Variants in TPP2 observed in about 807,000 individuals in gnomAD.
TPP2 encodes tripeptidyl-peptidase 2.
A neutral mutation model predicts 155.9 loss-of-function variants in TPP2; 34 were observed. The observed-to-expected ratio is 0.22, with a 90% CI of 0.17 to 0.29. The LOEUF (loss-of-function observed/expected upper bound fraction) is 0.29. Ranked by LOEUF, TPP2 falls within the 10% of genes least tolerant of loss-of-function variation. The pLI, the probability that TPP2 is intolerant of heterozygous loss-of-function variation, is 1.00. For synonymous variants in TPP2, 510 were observed against 529.4 expected (o/e 0.96, Z 0.50); for missense variants, 1,028 against 1,522.3 (o/e 0.68, Z 5.40).
chr13:102,618,585 A>T, intron 4 of TPP2, 137 bp from the exon 5 acceptor site: 1 of 1,117,072 alleles, frequency 9.0e-7, no homozygotes. Context: ...AGTTGCATAG[A>T]TAGAACAAAA....
rs373143538 is a variant in TPP2, at chr13:102,597,173, G to T, written c.135G>T (p.Thr45=). The T allele has an allele frequency of 3.9e-6, 6 of 1,556,176 alleles. No individual in the cohort carries two copies. Among genetic ancestry groups the T allele is most frequent in the African/African-American group, 1.4e-5 (1 of 70,702 alleles). The change falls in exon 1 of 30, where the codon ACG becomes ACT. Residue 45 remains threonine, a synonymous_variant. Coordinates refer to ENST00000376052, the MANE Select transcript of TPP2 (RefSeq NM_001330588.2). ...GRGVLIAVLD[T]GVDPGAPGMQ... ...GGGTGCTCATCGCAGTCCTGGACAC[G>T]GGGGTCGACCCGGGGGCTCCGGGCA... is the stretch of plus-strand genomic sequence containing the variant.
intron 1 of TPP2, among the ~76,000 whole-genome samples, chr13:102,602,230 A>T (rs2182673): frequency 0.65 from 98,323 of 152,068 alleles, 33,135 homozygotes; most frequent in African/African-American, 0.85. Context: ...GTATCAACTT[A>T]ATTTTGTTTC....
chr13:102,629,381 C>G, intron 8 of TPP2, 101 bp from the exon 9 acceptor site: 6 of 1,339,292 alleles, frequency 4.5e-6, no homozygotes, highest in Non-Finnish European at 5.8e-6. Context: ...GGTGGATGTA[C>G]CAAAATTTAT....
intron 8 of TPP2, among the ~76,000 whole-genome samples, chr13:102,629,251 A>G (rs1026469241): frequency 2.0e-5 from 3 of 152,146 alleles, no homozygotes; most frequent in African/African-American, 7.2e-5. Context: ...ATATTTTCCC[A>G]TATATATTGT....
intron 24 of TPP2, among the ~76,000 whole-genome samples, chr13:102,656,435 C>T (rs556076786): frequency 1.4e-4 from 21 of 152,128 alleles, no homozygotes; most frequent in Admixed American, 1.2e-3. Flanking sequence ...GGGTCGTTTG[C>T]GTAAGATATT....
At chr13:102,600,909 G>T (rs1002812946) in intron 1 of TPP2, among the ~76,000 whole-genome samples, 7 of 150,836 alleles carry the variant, frequency 4.6e-5, no homozygotes, top group African/African-American at 1.7e-4. Context: ...CAAAGACAGG[G>T]TCTCACTCTG....
intron 27 of TPP2, among the ~76,000 whole-genome samples, chr13:102,668,886 T>G (rs996600952): frequency 2.6e-5 from 4 of 152,192 alleles, no homozygotes; most frequent in African/African-American, 9.6e-5. Context: ...TGTCTGGGGT[T>G]TGTGTCGTCT....
At chr13:102,673,195 G>A (rs138128846) in intron 27 of TPP2, among the ~76,000 whole-genome samples, 2 of 152,274 alleles carry the variant, frequency 1.3e-5, no homozygotes, top group Non-Finnish European at 2.9e-5. Flanking sequence ...TCCTTGGTGC[G>A]CAGGATTAAT....
At chr13:102,670,084 G>A (rs1884870698) in intron 27 of TPP2, among the ~76,000 whole-genome samples, 1 of 152,054 alleles carries the variant, frequency 6.6e-6, no homozygotes, top group African/African-American at 2.4e-5. Context: ...AACAAGTGAG[G>A]GAATTGTGCA....
chr13:102,626,864 C>G, intron 6 of TPP2, 148 bp from the exon 7 acceptor site: 1 of 623,946 alleles, frequency 1.6e-6, no homozygotes, highest in Admixed American at 3.5e-5. Context: ...CAAATACTTT[C>G]CTTTGTGACT....
At position 102,678,175 on chromosome 13, in the gene TPP2, T is replaced by C. The variant is rs958155364; in HGVS notation, c.3700-52T>C. ...ACAGAATTTATTCTAAATACTGAGC[T>C]TAAAAATCTGTCACTTCCTTTATAA... is the stretch of plus-strand genomic sequence containing the variant. On this transcript the variant is annotated intron_variant, in intron 29 of 29. Coordinates refer to ENST00000376052, the MANE Select transcript of TPP2 (RefSeq NM_001330588.2). 2.0e-6 allele frequency: 3 copies of C among 1,529,330 alleles called. No homozygotes were observed. The African/African-American group carries it at 4.2e-5, about 22-fold the overall frequency. 94.7% of individuals were successfully genotyped at this position (1,529,330 alleles called of 1,614,324 possible).
intron 1 of TPP2, among the ~76,000 whole-genome samples, chr13:102,602,398 T>C (rs1001807798): frequency 6.6e-6 from 1 of 152,176 alleles, no homozygotes; most frequent in Non-Finnish European, 1.5e-5. Context: ...ATTATGACTT[T>C]GAGTTTTCTG....
intron 16 of TPP2, among the ~76,000 whole-genome samples, chr13:102,642,052 C>G (rs1215431121): frequency 2.0e-5 from 3 of 152,196 alleles, no homozygotes; most frequent in Non-Finnish European, 4.4e-5. Context: ...TTTGGATCCA[C>G]ACTCTGCCAT....
chr13:102,671,589 C>T (rs148829293), intron 27 of TPP2, among the ~76,000 whole-genome samples: 76 of 152,254 alleles, frequency 5.0e-4, no homozygotes, highest in African/African-American at 1.4e-3. Flanking sequence ...TCTTTATAAG[C>T]GTTAAAAGTA....
At chr13:102,604,192 C>T in intron 1 of TPP2, among the ~76,000 whole-genome samples, 1 of 150,296 alleles carries the variant, frequency 6.7e-6, no homozygotes. Context: ...TAAATGGTAC[C>T]ATTACTACTA....
chr13:102,678,183 C>T (rs751177298), intron 29 of TPP2, 44 bp from the exon 30 acceptor site: 45 of 1,544,306 alleles, frequency 2.9e-5, no homozygotes, highest in Non-Finnish European at 4.0e-5. Flanking sequence ...GCTTAAAAAT[C>T]TGTCACTTCC....
intron 2 of TPP2, among the ~76,000 whole-genome samples, chr13:102,610,507 A>C (rs1386768429): frequency 6.6e-6 from 1 of 152,104 alleles, no homozygotes; most frequent in East Asian, 1.9e-4. Context: ...TGGGATTACA[A>C]ATGTCAGCCA....
intron 27 of TPP2, among the ~76,000 whole-genome samples, chr13:102,671,910 T>G (rs1885006225): frequency 6.6e-6 from 1 of 152,202 alleles, no homozygotes; most frequent in Admixed American, 6.5e-5. Context: ...GTTTCATTAC[T>G]TTTATATACT....
At chr13:102,630,066 C>G (rs758827317) in intron 9 of TPP2, 30 bp from the exon 10 acceptor site, 7 of 1,595,492 alleles carry the variant, frequency 4.4e-6, no homozygotes, top group Non-Finnish European at 6.0e-6. Context: ...CGTTTGTTTT[C>G]TTTTCTTAAT....
Sources: gnomAD v4.1 joint callset for allele counts (sites outside exome capture counted in the v4.1 genomes callset) on GRCh38, gnomAD v4.1.1 for gene constraint, MANE v1.5 for transcripts, NCBI Gene and HGNC (gene_info 2026-07-23, HGNC 2026-07-21) for gene names.